The following CDH12 variants were observed in gnomAD, a reference collection of about 807,000 sequenced individuals.
CDH12 encodes cadherin-12.
CDH12 carries 41 observed loss-of-function variants against 74.1 expected under a neutral mutation model. The ratio of observed to expected loss-of-function variants is 0.55; its 90% CI spans 0.43 to 0.72. CDH12 has a LOEUF of 0.72. CDH12 is among the 30% of genes least tolerant of loss of function. The pLI, the probability that CDH12 is intolerant of heterozygous loss-of-function variation, is 0.00. For synonymous variants in CDH12, 399 were observed against 355.0 expected (o/e 1.12, Z -1.39); for missense variants, 945 against 977.2 (o/e 0.97, Z 0.44).
At chr5:21,763,067 G>A (rs1363827399) in intron 12 of CDH12, among the ~76,000 whole-genome samples, 2 of 152,040 alleles carry the variant, frequency 1.3e-5, no homozygotes, top group South Asian at 2.1e-4. Context: ...CATATAAATC[G>A]TGGATGCACT....
intron 3 of CDH12, among the ~76,000 whole-genome samples, chr5:22,226,287 G>A (rs1752192875): frequency 6.6e-6 from 1 of 151,910 alleles, no homozygotes; most frequent in South Asian, 2.1e-4. Context: ...TGTAATTAAG[G>A]TTATGGTTGA....
intron 3 of CDH12, among the ~76,000 whole-genome samples, chr5:22,394,844 T>C (rs907236262): frequency 2.2e-4 from 34 of 152,126 alleles, no homozygotes; most frequent in African/African-American, 8.0e-4. Context: ...AAATTATCAA[T>C]TTTGGCTTCT....
At chr5:22,427,162 G>A (rs557900412) in intron 2 of CDH12, among the ~76,000 whole-genome samples, 14 of 152,160 alleles carry the variant, frequency 9.2e-5, no homozygotes, top group African/African-American at 3.1e-4. Context: ...TACTTTTAGA[G>A]AATAAAGGGA....
intron 5 of CDH12, among the ~76,000 whole-genome samples, chr5:22,062,325 G>T (rs1297411353): frequency 1.3e-5 from 2 of 152,106 alleles, no homozygotes; most frequent in Non-Finnish European, 2.9e-5. Flanking sequence ...AGGAACATTA[G>T]TATATTGTGT....
At chr5:22,423,522 T>G (rs773324111) in intron 2 of CDH12, among the ~76,000 whole-genome samples, 4 of 152,194 alleles carry the variant, frequency 2.6e-5, no homozygotes, top group Non-Finnish European at 5.9e-5. Flanking sequence ...GTGGGATAGG[T>G]CTATTGTAGA....
intron 1 of CDH12, among the ~76,000 whole-genome samples, chr5:22,601,279 G>A (rs1005655092): frequency 4.6e-5 from 7 of 151,918 alleles, no homozygotes; most frequent in African/African-American, 1.7e-4. Flanking sequence ...TTGTCACCGG[G>A]TATTAAGCCT....
chr5:22,706,632 A>G (rs554112083), intron 1 of CDH12, among the ~76,000 whole-genome samples: 1 of 152,164 alleles, frequency 6.6e-6, no homozygotes, highest in East Asian at 1.9e-4. Context: ...TTAATGTATC[A>G]TAGTTTAGTT....
chr5:22,342,638 CTCTT>C (rs1316578839), intron 3 of CDH12, among the ~76,000 whole-genome samples: 1 of 43,774 alleles, frequency 2.3e-5, no homozygotes, highest in Non-Finnish European at 4.6e-5. Context: ...CTATTTCTTT[CTCTT>C]TCTTATTTTT....
intron 4 of CDH12, among the ~76,000 whole-genome samples, chr5:22,196,333 T>C (rs547788011): frequency 4.6e-5 from 7 of 151,864 alleles, no homozygotes; most frequent in Admixed American, 1.3e-4. Flanking sequence ...TTAGTGGAGA[T>C]GGGGTTTCAC....
At chr5:21,828,540 G>A (rs576253346) in intron 8 of CDH12, among the ~76,000 whole-genome samples, 2 of 152,218 alleles carry the variant, frequency 1.3e-5, no homozygotes, top group Non-Finnish European at 1.5e-5. Flanking sequence ...TTTGGTAATG[G>A]TCTCTTCCCA....
At chr5:21,871,227 T>G (rs145240302) in intron 6 of CDH12, among the ~76,000 whole-genome samples, 128 of 152,338 alleles carry the variant, frequency 8.4e-4, no homozygotes, top group African/African-American at 2.3e-3. Flanking sequence ...TTATAATCTT[T>G]GTCTCTGTGG....
chr5:22,325,870 T>C (rs1397562990), intron 3 of CDH12, among the ~76,000 whole-genome samples: 48 of 152,086 alleles, frequency 3.2e-4, no homozygotes, highest in Non-Finnish European at 1.0e-4. Context: ...ATCACGCCAC[T>C]GCACTCCAGC....
intron 4 of CDH12, among the ~76,000 whole-genome samples, chr5:22,203,534 T>C (rs566434754): frequency 3.1e-4 from 47 of 152,354 alleles, no homozygotes; most frequent in African/African-American, 1.1e-3. Context: ...TTGGCTGTTG[T>C]ACATAGTGCT....
chr5:21,980,484 C>G (rs1757262612), intron 5 of CDH12, among the ~76,000 whole-genome samples: 1 of 151,838 alleles, frequency 6.6e-6, no homozygotes. Context: ...TATTTAAAAC[C>G]ATGATTTCTG....
At chr5:22,469,162 G>A (rs1412817420) in intron 2 of CDH12, among the ~76,000 whole-genome samples, 1 of 152,112 alleles carries the variant, frequency 6.6e-6, no homozygotes, top group African/African-American at 2.4e-5. Flanking sequence ...CCACCACAGA[G>A]CACCTCAAAG....
intron 1 of CDH12, among the ~76,000 whole-genome samples, chr5:22,754,272 G>A (rs374816901): frequency 9.2e-5 from 14 of 152,248 alleles, no homozygotes; most frequent in East Asian, 3.9e-4. Flanking sequence ...CGACACTTTC[G>A]TGTTCTTGCC....
intron 1 of CDH12, among the ~76,000 whole-genome samples, chr5:22,788,349 A>G (rs1747744453): frequency 6.6e-6 from 1 of 151,952 alleles, no homozygotes; most frequent in African/African-American, 2.4e-5. Context: ...AGGCAGATTT[A>G]TATGCACCTT....
chr5:22,143,404 C>T (rs2150300744), intron 4 of CDH12: 1 of 137,534 alleles, frequency 7.3e-6, no homozygotes, highest in East Asian at 2.1e-4. Flanking sequence ...GAGTCTCACT[C>T]TGTTGCCCAG....
intron 2 of CDH12, among the ~76,000 whole-genome samples, chr5:22,424,849 C>A (rs943650298): frequency 6.6e-6 from 1 of 151,392 alleles, no homozygotes; most frequent in African/African-American, 2.4e-5. Flanking sequence ...AACATAGCCA[C>A]AAATAATAAA....
Sources: gnomAD v4.1 joint callset for allele counts (sites outside exome capture counted in the v4.1 genomes callset) on GRCh38, gnomAD v4.1.1 for gene constraint, MANE v1.5 for transcripts, NCBI Gene and HGNC (gene_info 2026-07-23, HGNC 2026-07-21) for gene names.